MAGI1: variants seen among roughly 807,000 people sequenced by gnomAD.
MAGI1 encodes membrane associated guanylate kinase, WW and PDZ domain containing 1, also known as membrane-associated guanylate kinase, WW and PDZ domain-containing protein 1.
Under a neutral mutation model 139.9 loss-of-function variants are expected in MAGI1, and 58 were observed. The observed-to-expected ratio is 0.41, with a 90% CI of 0.34 to 0.52. The LOEUF is 0.52. MAGI1 is among the 20% of genes least tolerant of loss of function. MAGI1 has a pLI of 0.12. For synonymous variants in MAGI1, 812 were observed against 737.9 expected, an observed-to-expected ratio of 1.10 and a Z score of -1.63; for missense variants, 1,874 against 1,901.6, an observed-to-expected ratio of 0.99 and a Z score of 0.27.
chr3:65,753,004 T>A (rs1559849165), intron 1 of MAGI1, among the ~76,000 whole-genome samples: 1 of 152,206 alleles, frequency 6.6e-6, no homozygotes. Flanking sequence ...AATACCCCTA[T>A]TACAGCAGTC....
chr3:65,642,986 A>G (rs9866429), intron 1 of MAGI1, among the ~76,000 whole-genome samples: 3 of 152,240 alleles, frequency 2.0e-5, no homozygotes, highest in African/African-American at 7.2e-5. Flanking sequence ...CCCTAACATA[A>G]TATGCCAGAG....
intron 18 of MAGI1, among the ~76,000 whole-genome samples, chr3:65,372,102 T>C (rs1379509950): frequency 1.3e-5 from 2 of 152,214 alleles, no homozygotes; most frequent in Non-Finnish European, 2.9e-5. Context: ...TCTTTCCAAA[T>C]GGATTTTCCA....
At chr3:65,800,344 T>G (rs4688603) in intron 1 of MAGI1, among the ~76,000 whole-genome samples, 43,675 of 152,042 alleles carry the variant, frequency 0.29, 6,449 homozygotes, top group East Asian at 0.35. Flanking sequence ...TGTTAAATAT[T>G]AAATATAATC....
At chr3:65,426,984 T>C (rs1180706662) in intron 12 of MAGI1, among the ~76,000 whole-genome samples, 1 of 152,172 alleles carries the variant, frequency 6.6e-6, no homozygotes, top group Non-Finnish European at 1.5e-5. Flanking sequence ...AAGATGGCAT[T>C]GGGAATTAAG....
intron 1 of MAGI1, among the ~76,000 whole-genome samples, chr3:65,635,682 A>G (rs1341892254): frequency 6.6e-6 from 1 of 152,236 alleles, no homozygotes. Context: ...TGCAAATACA[A>G]CTGAGATCCC....
At chr3:65,686,933 G>A (rs191906845) in intron 1 of MAGI1, among the ~76,000 whole-genome samples, 8 of 152,184 alleles carry the variant, frequency 5.3e-5, no homozygotes, top group East Asian at 1.9e-4. Flanking sequence ...TCTGGTTTAC[G>A]GTAGCCCATT....
intron 2 of MAGI1, among the ~76,000 whole-genome samples, chr3:65,516,334 C>A (rs538221315): frequency 6.6e-6 from 1 of 151,764 alleles, no homozygotes; most frequent in African/African-American, 2.4e-5. Flanking sequence ...CATGTGCCAC[C>A]CCACCCGGCT....
At chr3:65,545,956 G>A (rs1326919032) in intron 2 of MAGI1, among the ~76,000 whole-genome samples, 1 of 151,036 alleles carries the variant, frequency 6.6e-6, no homozygotes, top group African/African-American at 2.4e-5. Flanking sequence ...TAGTACATGG[G>A]CATAATGGGG....
intron 2 of MAGI1, among the ~76,000 whole-genome samples, chr3:65,616,376 G>A (rs562537661): frequency 9.2e-5 from 14 of 152,208 alleles, no homozygotes; most frequent in Admixed American, 7.2e-4. Flanking sequence ...TACATTATAC[G>A]CAACAAACAT....
intron 2 of MAGI1, among the ~76,000 whole-genome samples, chr3:65,550,209 C>A (rs940446633): frequency 6.6e-6 from 1 of 152,088 alleles, no homozygotes; most frequent in Non-Finnish European, 1.5e-5. Context: ...CTCAAGAGAC[C>A]CCAGGAGGGG....
intron 1 of MAGI1, among the ~76,000 whole-genome samples, chr3:66,017,851 A>G (rs1050071710): frequency 6.6e-6 from 1 of 152,204 alleles, no homozygotes; most frequent in Non-Finnish European, 1.5e-5. Context: ...AACTTTGAAA[A>G]GAAAGGACTC....
chr3:65,713,165 G>C (rs1017972957), intron 1 of MAGI1, among the ~76,000 whole-genome samples: 2 of 152,170 alleles, frequency 1.3e-5, no homozygotes, highest in African/African-American at 4.8e-5. Flanking sequence ...AGCAGGCCCT[G>C]CTGTTTGTGG....
intron 2 of MAGI1, among the ~76,000 whole-genome samples, chr3:65,530,450 C>CAA (rs930024821): frequency 7.3e-5 from 11 of 151,486 alleles, no homozygotes; most frequent in African/African-American, 2.7e-4. Context: ...CCCGTCTCTA[C>CAA]AAAAAATACC....
intron 2 of MAGI1, among the ~76,000 whole-genome samples, chr3:65,570,736 T>G (rs185731780): frequency 2.0e-5 from 3 of 152,328 alleles, no homozygotes; most frequent in African/African-American, 7.2e-5. Flanking sequence ...CTAAGTTCAT[T>G]GCACCATTCT....
At chr3:65,557,519 A>T (rs1240307947) in intron 2 of MAGI1, among the ~76,000 whole-genome samples, 1 of 152,190 alleles carries the variant, frequency 6.6e-6, no homozygotes, top group Admixed American at 6.5e-5. Flanking sequence ...ACTGTGTGAG[A>T]TCATTAAATA....
intron 1 of MAGI1, among the ~76,000 whole-genome samples, chr3:65,885,706 A>C (rs1366890070): frequency 6.6e-6 from 1 of 152,122 alleles, no homozygotes; most frequent in Admixed American, 6.5e-5. Flanking sequence ...GTAAGACTTG[A>C]CTTTGCTCCT....
chr3:65,532,366 G>A (rs1031787231), intron 2 of MAGI1, among the ~76,000 whole-genome samples: 1 of 152,144 alleles, frequency 6.6e-6, no homozygotes, highest in African/African-American at 2.4e-5. Flanking sequence ...CATGGACTGC[G>A]ACTTAATCTC....
intron 1 of MAGI1, among the ~76,000 whole-genome samples, chr3:65,781,884 C>G (rs1357613930): frequency 8.2e-6 from 1 of 122,058 alleles, no homozygotes; most frequent in African/African-American, 2.8e-5. Context: ...TCTGAACCAT[C>G]TGACTGGGGA....
chr3:65,692,364 C>T (rs2088754191), intron 1 of MAGI1, among the ~76,000 whole-genome samples: 1 of 152,184 alleles, frequency 6.6e-6, no homozygotes, highest in African/African-American at 2.4e-5. Context: ...AAGAACTATA[C>T]TAGGTGATGG....
Sources: allele counts gnomAD v4.1 joint callset (sites outside exome capture counted in the v4.1 genomes callset), GRCh38; gene constraint gnomAD v4.1.1; transcripts MANE v1.5; gene names NCBI Gene and HGNC (gene_info 2026-07-23, HGNC 2026-07-21).